SYCP1: variants seen among roughly 807,000 people sequenced by gnomAD.
SYCP1 encodes the protein cancer/testis antigen 8.
Under a neutral mutation model 153.1 loss-of-function variants are expected in SYCP1, and 64 were observed. The ratio of observed to expected loss-of-function variants is 0.42; its 90% CI spans 0.34 to 0.51. The LOEUF (loss-of-function observed/expected upper bound fraction) is 0.51. Ranked by LOEUF, SYCP1 falls within the 20% of genes least tolerant of loss-of-function variation. SYCP1 has a pLI of 0.06. For synonymous variants in SYCP1, 384 were observed against 341.8 expected (o/e 1.12, Z -1.36); for missense variants, 997 against 1,049.0 (o/e 0.95, Z 0.68).
At chr1:114,941,230 A>G (rs1252798929) in intron 23 of SYCP1, among the ~76,000 whole-genome samples, 1 of 152,190 alleles carries the variant, frequency 6.6e-6, no homozygotes, top group Non-Finnish European at 1.5e-5. Flanking sequence ...AAATGGATGC[A>G]GTTCAAACCC....
intron 23 of SYCP1, among the ~76,000 whole-genome samples, chr1:114,939,708 A>G (rs930348718): frequency 1.3e-5 from 2 of 152,216 alleles, no homozygotes; most frequent in Non-Finnish European, 2.9e-5. Context: ...TATTGCCATT[A>G]CATGGTTTTA....
rs377398786 is a variant in SYCP1 at position 114,995,032 on chromosome 1, A to G, written c.*13A>G. 6 of 1,590,680 alleles carry G rather than the reference A, an allele frequency of 3.8e-6. No homozygotes were observed. Among genetic ancestry groups the G allele is most frequent in the Non-Finnish European group, 5.1e-6 (6 of 1,170,986 alleles). ...GTTATTTGTTTAATTTCAGAGAATCAGTGTAGTTAAGGAGCCTAATAACGT... is the reference window on the plus strand; with the variant it reads ...GTTATTTGTTTAATTTCAGAGAATCGGTGTAGTTAAGGAGCCTAATAACGT... On this transcript the variant is annotated 3_prime_UTR_variant, in exon 32 of 32. Transcript: ENST00000369522.
rs572210612 is a variant in SYCP1, at chr1:114,917,809, C to T, written c.1718+3764C>T. On this transcript the variant is annotated intron_variant, in intron 20 of 31. Transcript: ENST00000369522. ...TTGAAAAATGCCTATTTAGATCTTT[C>T]GCCCATTTTTTCCCATAGGATTATT... is the stretch of plus-strand genomic sequence containing the variant. 2.6e-4 allele frequency among the ~76,000 whole-genome samples: 39 copies of T among 152,068 alleles called. 1 individual carries two copies. Among genetic ancestry groups the T allele is most frequent in the East Asian group, 1.7e-3 (9 of 5,172 alleles).
In SYCP1 at chr1:114,855,225, G is replaced by T. The variant is rs1215598390; in HGVS notation, c.-25+207G>T. ...TTTCTTTTCAGGCCAGCGTGGCAGC[G>T]GGCGGTAGGGCGAAAGGGAGAAGGA... On this transcript the variant is annotated intron_variant, in intron 1 of 31. Coordinates refer to ENST00000369522, the MANE Select transcript of SYCP1 (RefSeq NM_003176.4). 1.2e-5 allele frequency: 3 copies of T among 246,326 alleles called. No homozygotes were observed. In the Admixed American group the frequency reaches 1.7e-4, roughly 14 times the overall value. The allele number at this position is 246,326 out of a possible 1,614,324, so 15.3% of individuals were successfully genotyped here.
Position 114,876,082 on chromosome 1 carries a change from C to T in SYCP1, c.671C>T (p.Ala224Val). 6.3e-7 allele frequency: 1 copy of T among 1,578,848 alleles called. No individual in the cohort carries two copies. Among genetic ancestry groups the T allele is most frequent in the Non-Finnish European group, 8.6e-7 (1 of 1,160,782 alleles). Residue 224 changes from alanine to valine, a missense_variant, in exon 10 of 32, where the codon GCT (alanine) becomes GTT (valine). Physicochemically the swap from Ala to Val is moderately conservative, Grantham distance 64. Transcript: ENST00000369522. ...LNNNIEKMIT[A>V]FEELRVQAEN... is the part of the protein sequence containing the mutation. ...TTTATATTTCAGAAAATGATAACAG[C>T]TTTTGAGGAACTTCGTGTGCAAGCT...
intron 19 of SYCP1, 44 bp downstream of exon 19, chr1:114,913,194 T>G: frequency 6.7e-7 from 1 of 1,486,636 alleles, no homozygotes. Context: ...TTTCTTCCAA[T>G]TAGCAGGTTA....
intron 30 of SYCP1, among the ~76,000 whole-genome samples, chr1:114,989,005 A>G (rs1673725698): frequency 6.6e-6 from 1 of 151,888 alleles, no homozygotes; most frequent in African/African-American, 2.4e-5. Flanking sequence ...TGTCTCTACA[A>G]AAAATATGGA....
At chr1:114,904,105 A>G (rs567315055) in intron 16 of SYCP1, among the ~76,000 whole-genome samples, 1 of 151,248 alleles carries the variant, frequency 6.6e-6, no homozygotes, top group Admixed American at 6.6e-5. Flanking sequence ...TTTTATAATT[A>G]GCTTTTCTTT....
At chr1:114,885,074 AG>A (rs1212792198) in intron 12 of SYCP1, among the ~76,000 whole-genome samples, 1 of 152,136 alleles carries the variant, frequency 6.6e-6, no homozygotes, top group Admixed American at 6.6e-5. Context: ...TACCATCGGG[AG>A]ATAAATTACT....
At chr1:114,950,770 T>C in intron 27 of SYCP1, among the ~76,000 whole-genome samples, 1 of 152,036 alleles carries the variant, frequency 6.6e-6, no homozygotes. Context: ...ATCTAGCTAA[T>C]GATGAATGCT....
chr1:114,926,715 G>A (rs896925421), intron 23 of SYCP1, 152 bp downstream of exon 23: 18 of 604,334 alleles, frequency 3.0e-5, no homozygotes, highest in African/African-American at 2.9e-4. Flanking sequence ...TTAAATAGAG[G>A]AGATCAACTC....
intron 23 of SYCP1, among the ~76,000 whole-genome samples, chr1:114,931,175 T>C (rs1202722186): frequency 6.6e-6 from 1 of 152,054 alleles, no homozygotes; most frequent in Non-Finnish European, 1.5e-5. Context: ...GTTAGCATCC[T>C]ATTTACTGAT....
At chr1:114,937,022 T>G (rs1670057002) in intron 23 of SYCP1, among the ~76,000 whole-genome samples, 1 of 152,204 alleles carries the variant, frequency 6.6e-6, no homozygotes, top group South Asian at 2.1e-4. Context: ...AATCACTTTC[T>G]TCACAGAATT....
At chr1:114,881,489 A>G (rs967756974) in intron 12 of SYCP1, among the ~76,000 whole-genome samples, 1 of 118,138 alleles carries the variant, frequency 8.5e-6, no homozygotes, top group African/African-American at 2.9e-5. Context: ...CTTTTAGCAC[A>G]TGGAAGGTAT....
At chr1:114,918,210 T>C (rs187325327) in intron 20 of SYCP1, among the ~76,000 whole-genome samples, 12 of 152,146 alleles carry the variant, frequency 7.9e-5, no homozygotes, top group Admixed American at 7.2e-4. Context: ...TATGGATATA[T>C]GGATATCCAG....
intron 16 of SYCP1, among the ~76,000 whole-genome samples, chr1:114,908,423 T>C (rs1667959529): frequency 6.6e-6 from 1 of 152,200 alleles, no homozygotes; most frequent in Non-Finnish European, 1.5e-5. Context: ...ATGGGAAGTT[T>C]TGGCCATTTA....
At chr1:114,969,975 C>A (rs924395302) in intron 27 of SYCP1, among the ~76,000 whole-genome samples, 1 of 152,168 alleles carries the variant, frequency 6.6e-6, no homozygotes, top group Non-Finnish European at 1.5e-5. Flanking sequence ...TGGGCTGCAC[C>A]CACTGTCTAA....
rs116708913 is a variant in SYCP1, at chr1:114,927,692, T to C, written c.1926+1129T>C. Among the ~76,000 whole-genome samples, 624 of 151,978 alleles carry C rather than the reference T, an allele frequency of 4.1e-3. 6 individuals are homozygous for C. Among genetic ancestry groups the C allele is most frequent in the African/African-American group, 0.014 (573 of 41,368 alleles). On this transcript the variant is annotated intron_variant, in intron 23 of 31. Transcript: ENST00000369522. ...AGTTGGGTAAGTAGAAATTACCCAG[T>C]CAGAAGTACACAGAAGAAGAGTTTT...
At chr1:114,929,187 GA>G (rs2101751756) in intron 23 of SYCP1, among the ~76,000 whole-genome samples, 1 of 152,032 alleles carries the variant, frequency 6.6e-6, no homozygotes, top group Non-Finnish European at 1.5e-5. Flanking sequence ...AATTTTAGGG[GA>G]ATACAAATAT....
Sources: allele counts gnomAD v4.1 joint callset (sites outside exome capture counted in the v4.1 genomes callset), GRCh38; gene constraint gnomAD v4.1.1; transcripts MANE v1.5; gene names NCBI Gene and HGNC (gene_info 2026-07-23, HGNC 2026-07-21).